THSD4: variants seen among roughly 807,000 people sequenced by gnomAD.
THSD4 encodes thrombospondin type-1 domain-containing protein 4.
Under a neutral mutation model 119.0 loss-of-function variants are expected in THSD4, and 69 were observed. That is an observed-to-expected ratio of 0.58 (90% confidence interval 0.48 to 0.71). The LOEUF is 0.71. Ranked by LOEUF, THSD4 falls within the 30% of genes least tolerant of loss-of-function variation. The probability of loss-of-function intolerance (pLI) is 0.00; values close to 1 mark genes in which losing one functional copy is unlikely to be tolerated. For missense variants in THSD4, 1,393 were observed against 1,391.1 expected, an observed-to-expected ratio of 1.00 and a Z score of -0.02; for synonymous variants, 524 against 540.4, an observed-to-expected ratio of 0.97 and a Z score of 0.42.
At chr15:71,111,345 G>C (rs371827148), upstream of THSD4, 10 of 1,613,824 alleles carry the variant, frequency 6.2e-6, no homozygotes, top group African/African-American at 1.3e-4. Flanking sequence ...CTCTTGCCCA[G>C]TTGTGGGTTA....
intron 6 of THSD4, among the ~76,000 whole-genome samples, chr15:71,389,687 A>G (rs1473983818): frequency 6.6e-6 from 1 of 151,850 alleles, no homozygotes; most frequent in Non-Finnish European, 1.5e-5. Flanking sequence ...TTCTATTTTT[A>G]AATTTTTGAG....
At chr15:71,508,555 G>A (rs1012641438) in intron 7 of THSD4, among the ~76,000 whole-genome samples, 7 of 152,162 alleles carry the variant, frequency 4.6e-5, no homozygotes, top group African/African-American at 9.7e-5. Context: ...AAGGGCCTGC[G>A]GCAGGGGGTG....
intron 4 of THSD4, among the ~76,000 whole-genome samples, chr15:71,229,540 T>A (rs1353813007): frequency 6.6e-6 from 1 of 152,242 alleles, no homozygotes; most frequent in Non-Finnish European, 1.5e-5. Context: ...ATAGTTGTAC[T>A]GTATTGTTTA....
chr15:71,512,912 G>C (rs2048303575), intron 7 of THSD4, among the ~76,000 whole-genome samples: 1 of 152,146 alleles, frequency 6.6e-6, no homozygotes, highest in African/African-American at 2.4e-5. Flanking sequence ...AATAATACTT[G>C]AAGGAGTTCT....
intron 6 of THSD4, among the ~76,000 whole-genome samples, chr15:71,397,021 T>A (rs546845081): frequency 3.3e-5 from 5 of 152,246 alleles, no homozygotes; most frequent in Admixed American, 6.5e-5. Flanking sequence ...GGATGCAAGC[T>A]GTGGCACTTC....
chr15:71,270,801 G>A (rs2044519256), intron 6 of THSD4, among the ~76,000 whole-genome samples: 1 of 151,292 alleles, frequency 6.6e-6, no homozygotes, highest in Non-Finnish European at 1.5e-5. Context: ...CCTACTGGAA[G>A]GGAATTAGAG....
chr15:71,661,103 G>A (rs1431762528), intron 8 of THSD4, among the ~76,000 whole-genome samples: 1 of 152,130 alleles, frequency 6.6e-6, no homozygotes, highest in Admixed American at 6.5e-5. Flanking sequence ...AGGTGGCCAG[G>A]GACAATTGAT....
chr15:71,555,897 T>G (rs2049008348), intron 7 of THSD4, among the ~76,000 whole-genome samples: 1 of 152,210 alleles, frequency 6.6e-6, no homozygotes, highest in Non-Finnish European at 1.5e-5. Flanking sequence ...ACAGGAACAT[T>G]TATTGAATAG....
At chr15:71,606,661 C>T (rs928794440) in intron 7 of THSD4, among the ~76,000 whole-genome samples, 2 of 152,194 alleles carry the variant, frequency 1.3e-5, no homozygotes, top group Non-Finnish European at 2.9e-5. Context: ...CTGCCTCAGC[C>T]TCCCGAGTAG....
chr15:71,324,460 C>T (rs529053933), intron 6 of THSD4, among the ~76,000 whole-genome samples: 23 of 152,212 alleles, frequency 1.5e-4, no homozygotes, highest in African/African-American at 5.3e-4. Flanking sequence ...TTGCTCTCTC[C>T]CATCCTCCCC....
In THSD4 at chr15:71,502,933, C is replaced by T. The variant is rs138738262; in HGVS notation, c.1152+91110C>T. On this transcript the variant is annotated intron_variant, in intron 7 of 17. Coordinates refer to ENST00000261862, the MANE Select transcript of THSD4 (RefSeq NM_024817.3). Reference sequence around the variant, plus strand: ...CCGCATCAGAGTTTGTCATCTTACTCGGGGAATTTGCAGCAGACTGAACTT... The same window carrying T: ...CCGCATCAGAGTTTGTCATCTTACTTGGGGAATTTGCAGCAGACTGAACTT... 5.9e-5 allele frequency among the ~76,000 whole-genome samples: 9 copies of T among 152,298 alleles called. 1 individual carries two copies. In the South Asian group the frequency reaches 1.7e-3, roughly 28 times the overall value.
chr15:71,562,286 AC>A (rs2049136003), intron 7 of THSD4, among the ~76,000 whole-genome samples: 2 of 152,156 alleles, frequency 1.3e-5, no homozygotes, highest in South Asian at 2.1e-4. Context: ...TTTGTAAGAT[AC>A]CTCAGCTGTA....
rs921148504 is a variant in THSD4, at chr15:71,747,057, C to G, written c.2241+15C>G. The G allele has an allele frequency of 6.3e-7, 1 of 1,586,572 alleles. No homozygotes were observed. Among genetic ancestry groups the G allele is most frequent in the Non-Finnish European group, 8.5e-7 (1 of 1,170,344 alleles). ...ACTGGACCTCGGTACGCAGGCAGGG[C>G]AGCCCGCTCTGCAGCTCCCTCTCCA... On this transcript the variant is annotated intron_variant, in intron 13 of 17. Transcript: ENST00000261862.
intron 1 of THSD4, among the ~76,000 whole-genome samples, chr15:71,138,340 A>G (rs1021667117): frequency 6.6e-6 from 1 of 152,126 alleles, no homozygotes; most frequent in African/African-American, 2.4e-5. Context: ...TGATCCAGTC[A>G]CTTCCCACCT....
intron 8 of THSD4, among the ~76,000 whole-genome samples, chr15:71,661,401 A>ATTT (rs397797003): frequency 6.7e-6 from 1 of 149,032 alleles, no homozygotes; most frequent in East Asian, 1.9e-4. Flanking sequence ...TTATTTATTT[A>ATTT]TTTTTTTTTT....
chr15:71,492,850 A>C (rs11635937), intron 7 of THSD4, among the ~76,000 whole-genome samples: 35,478 of 151,778 alleles, frequency 0.23, 4,428 homozygotes, highest in Non-Finnish European at 0.27. Flanking sequence ...GAGAATTATT[A>C]CTGAAGCATG....
At chr15:71,494,757 G>A (rs1055498828) in intron 7 of THSD4, among the ~76,000 whole-genome samples, 3 of 152,218 alleles carry the variant, frequency 2.0e-5, no homozygotes, top group Admixed American at 6.5e-5. Flanking sequence ...TTTTATGCCA[G>A]TGCTAGTGAA....
chr15:71,724,879 G>A (rs1363549579), intron 8 of THSD4, among the ~76,000 whole-genome samples: 69 of 116,926 alleles, frequency 5.9e-4, no homozygotes, highest in African/African-American at 2.0e-3. Context: ...ATGGATGGTG[G>A]TACCATTTAC....
At chr15:71,455,939 C>T (rs2047333001) in intron 7 of THSD4, among the ~76,000 whole-genome samples, 1 of 152,166 alleles carries the variant, frequency 6.6e-6, no homozygotes, top group Non-Finnish European at 1.5e-5. Flanking sequence ...AGGTCAGTTT[C>T]CTCTCTTTCT....
Sources: gnomAD v4.1 joint callset for allele counts (sites outside exome capture counted in the v4.1 genomes callset) on GRCh38, gnomAD v4.1.1 for gene constraint, MANE v1.5 for transcripts, NCBI Gene and HGNC (gene_info 2026-07-23, HGNC 2026-07-21) for gene names.